The following MCM5 variants were observed in gnomAD, a reference collection of about 807,000 sequenced individuals.
The protein encoded by MCM5 is minichromosome maintenance complex component 5.
A neutral mutation model predicts 79.9 loss-of-function variants in MCM5; 46 were observed. That is an observed-to-expected ratio of 0.58 (90% CI 0.45 to 0.74). MCM5 has a LOEUF of 0.74. Among genes scored for constraint, MCM5 ranks in the 30% least tolerant of loss-of-function variants. MCM5 has a pLI of 0.00. For synonymous variants in MCM5, 404 were observed against 390.5 expected, an observed-to-expected ratio of 1.03 and a Z score of -0.41; for missense variants, 883 against 1,017.0, an observed-to-expected ratio of 0.87 and a Z score of 1.79.
chr22:35,431,211 G>A, the MCM5 span, among the ~76,000 whole-genome samples: 11 of 152,222 alleles, frequency 7.2e-5, no homozygotes, highest in Admixed American at 1.3e-4. Context: ...GCTCTGCTGC[G>A]TGACAGATCC....
chr22:35,434,463 G>C, the MCM5 span, among the ~76,000 whole-genome samples: 1 of 152,172 alleles, frequency 6.6e-6, no homozygotes, highest in African/African-American at 2.4e-5. Context: ...GGAGCTCTCT[G>C]ATTGGCTGTG....
chr22:35,403,242 A>T lies in MCM5; in HGVS notation c.203A>T (p.Tyr68Phe). Reference protein sequence around the residue: ...ELKRHYNLGEYWIEVEMEDLA... With the variant: ...ELKRHYNLGEFWIEVEMEDLA... ...AAGCGGCATTACAACCTGGGGGAGT[A>T]CTGGATTGAGGTGGAGATGGAGGAT... The change falls in exon 3 of 17, where the codon TAC becomes TTC. Residue 68 changes from tyrosine to phenylalanine, a missense_variant. By Grantham distance (22) the Tyr-to-Phe change is conservative. This residue lies in a region of MCM5 where 455 missense variants were observed against 517.5 expected (regional missense o/e 0.88). Coordinates refer to ENST00000216122, the MANE Select transcript of MCM5 (RefSeq NM_006739.4). 1 of 1,614,098 alleles carries T rather than the reference A, an allele frequency of 6.2e-7. No homozygotes were observed. The highest frequency in any genetic ancestry group is 2.2e-5 in the East Asian group (1 of 44,862).
At chr22:35,439,685 A>G in the MCM5 span, among the ~76,000 whole-genome samples, 1 of 152,208 alleles carries the variant, frequency 6.6e-6, no homozygotes, top group Non-Finnish European at 1.5e-5. Context: ...TTAGGGAAGA[A>G]CACTAAACTT....
the MCM5 span, among the ~76,000 whole-genome samples, chr22:35,436,787 G>A: frequency 6.6e-6 from 1 of 150,896 alleles, no homozygotes; most frequent in Non-Finnish European, 1.5e-5. Context: ...ATCCCCACCC[G>A]ACCTTCACAA....
Position 35,403,455 on chromosome 22 carries a change from G to T in MCM5, c.336G>T (p.Arg112=). The change falls in exon 4 of 17, where the codon CGG becomes CGT. Residue 112 remains arginine (R), a synonymous_variant. Coordinates refer to ENST00000216122, the MANE Select transcript of MCM5 (RefSeq NM_006739.4). ...AGGAGGTAGCTGATGAGGTGACCCG[G>T]CCCCGGCCTTCTGGGGAGGAGGTGC... ...AAKEVADEVT[R]PRPSGEEVLQ... The T allele has an allele frequency of 6.2e-7, 1 of 1,614,208 alleles. No individual in the cohort carries two copies. Among genetic ancestry groups the T allele is most frequent in the Non-Finnish European group, 8.5e-7 (1 of 1,180,042 alleles).
intron 5 of MCM5, among the ~76,000 whole-genome samples, chr22:35,407,477 C>T (rs1019532086): frequency 6.6e-6 from 1 of 151,482 alleles, no homozygotes; most frequent in Non-Finnish European, 1.5e-5. Context: ...CAGCCCACCA[C>T]GATCTGCTCC....
At chr22:35,434,028 A>G in the MCM5 span, among the ~76,000 whole-genome samples, 3 of 152,190 alleles carry the variant, frequency 2.0e-5, no homozygotes, top group African/African-American at 7.2e-5. Context: ...CAAGACTAGA[A>G]TTTGGAACTG....
intron 4 of MCM5, among the ~76,000 whole-genome samples, chr22:35,406,039 A>G (rs2145785512): frequency 6.6e-6 from 1 of 152,134 alleles, no homozygotes; most frequent in South Asian, 2.1e-4. Flanking sequence ...AAGAAAAAAT[A>G]TTACTGCCTT....
At position 35,424,192 on chromosome 22, in the gene MCM5, C is replaced by T. The variant is rs950133159; in HGVS notation, c.2142C>T (p.Leu714=). The T allele has an allele frequency of 1.3e-6, 2 of 1,553,100 alleles. No individual in the cohort carries two copies. The highest frequency in any genetic ancestry group is 1.2e-5 in the South Asian group (1 of 84,038). ...ACGCCATCCACAAGGTGCTGCAGCT[C>T]ATGCTGCGGCGCGGCGAGATCCAGC... The part of the protein sequence containing the change: ...PEHAIHKVLQ[L]MLRRGEIQHR... The change falls in exon 17 of 17, where the codon CTC becomes CTT. Residue 714 remains leucine (L), a synonymous_variant. Transcript: ENST00000216122.
chr22:35,449,538 C>T, the MCM5 span, among the ~76,000 whole-genome samples: 1 of 151,768 alleles, frequency 6.6e-6, no homozygotes, highest in Non-Finnish European at 1.5e-5. Flanking sequence ...ATTGTGGCCG[C>T]TGTGTCCCAA....
At chr22:35,452,466 G>A in the MCM5 span, among the ~76,000 whole-genome samples, 3 of 152,242 alleles carry the variant, frequency 2.0e-5, no homozygotes, top group Non-Finnish European at 4.4e-5. Flanking sequence ...CCCGGCAGAT[G>A]TGTGTTGAAT....
chr22:35,406,128 G>T (rs1932203964), intron 4 of MCM5, among the ~76,000 whole-genome samples: 1 of 152,206 alleles, frequency 6.6e-6, no homozygotes, highest in Admixed American at 6.5e-5. Context: ...AGACCACACA[G>T]CAGGTTTTGA....
downstream of MCM5, among the ~76,000 whole-genome samples, chr22:35,426,895 G>A (rs752070489): frequency 7.9e-5 from 12 of 152,132 alleles, no homozygotes; most frequent in African/African-American, 9.7e-5. Context: ...TATGAGAGCC[G>A]CTCCACCCCT....
chr22:35,400,252 A>G, intron 1 of MCM5, 44 bp downstream of exon 1: 1 of 641,254 alleles, frequency 1.6e-6, no homozygotes, highest in South Asian at 1.8e-5. Flanking sequence ...GCCAGCAGGC[A>G]TCTGGATTTC....
chr22:35,418,819 C>G (rs1419316155), intron 13 of MCM5, among the ~76,000 whole-genome samples: 1 of 152,108 alleles, frequency 6.6e-6, no homozygotes, highest in African/African-American at 2.4e-5. Context: ...GTAAGGTGTG[C>G]TATTATTCCC....
Position 35,423,264 on chromosome 22 carries a change from G to A in MCM5, c.2026G>A (p.Glu676Lys), listed in dbSNP as rs756439766. 4 of 1,606,412 alleles carry A rather than the reference G, an allele frequency of 2.5e-6. No individual in the cohort carries two copies. The highest frequency in any genetic ancestry group is 4.5e-5 in the East Asian group (2 of 44,374). The part of the protein sequence containing the change: ...QEDQEMLSRI[E>K]KQLKRRFAIG... ...GGACCAGGAGATGCTGAGCCGCATC[G>A]AGAAGCAGCTCAAGCGCCGCTTTGC... Residue 676 changes from glutamate to lysine, a missense_variant, in exon 16 of 17, where the codon GAG becomes AAG. Transcript: ENST00000216122.
At chr22:35,434,431 G>T in the MCM5 span, among the ~76,000 whole-genome samples, 1 of 152,128 alleles carries the variant, frequency 6.6e-6, no homozygotes, top group Admixed American at 6.5e-5. Context: ...TTTTCTCTCA[G>T]TATCCATTTA....
the MCM5 span, among the ~76,000 whole-genome samples, chr22:35,439,706 G>A: frequency 1.3e-5 from 2 of 152,206 alleles, no homozygotes; most frequent in African/African-American, 4.8e-5. Flanking sequence ...GGAATTGGAA[G>A]TCTTATGTTC....
intron 15 of MCM5, chr22:35,422,149 C>T (rs1035508820): frequency 7.1e-5 from 11 of 155,786 alleles, no homozygotes; most frequent in Admixed American, 1.2e-4. Flanking sequence ...ATCACAGGGT[C>T]CCGGCCCTCC....
Sources: gnomAD v4.1 joint callset for allele counts (sites outside exome capture counted in the v4.1 genomes callset) on GRCh38, gnomAD v4.1.1 for gene constraint, gnomAD v4.1.1 regional missense constraint, MANE v1.5 for transcripts, NCBI Gene and HGNC (gene_info 2026-07-23, HGNC 2026-07-21) for gene names.